The following PCDHGB4 variants were observed in gnomAD, a reference collection of about 807,000 sequenced individuals.
PCDHGB4 encodes protocadherin gamma subfamily B, 4, also known as protocadherin gamma-B4.
Under a neutral mutation model 60.5 loss-of-function variants are expected in PCDHGB4, and 38 were observed. The observed-to-expected ratio is 0.63, with a 90% CI of 0.48 to 0.82. The LOEUF (loss-of-function observed/expected upper bound fraction) is 0.82, where lower values mean the gene tolerates loss of function less well. Ranked by LOEUF, PCDHGB4 falls within the 40% of genes least tolerant of loss-of-function variation. The pLI, the probability that PCDHGB4 is intolerant of heterozygous loss-of-function variation, is 0.00. For missense variants in PCDHGB4, 1,109 were observed against 1,209.6 expected, an observed-to-expected ratio of 0.92 and a Z score of 1.23; for synonymous variants, 456 against 509.7, an observed-to-expected ratio of 0.89 and a Z score of 1.42.
At chr5:141,404,580 G>C (rs769739876) in intron 1 of PCDHGB4, 2 of 1,613,866 alleles carry the variant, frequency 1.2e-6, no homozygotes, top group Non-Finnish European at 1.7e-6. Context: ...CCACCACTTA[G>C]CAGCAATGTG....
chr5:141,418,452 A>C (rs2096259372), intron 1 of PCDHGB4: 5 of 1,614,024 alleles, frequency 3.1e-6, no homozygotes, highest in Non-Finnish European at 4.2e-6. Context: ...GTATTGCAGA[A>C]GACTCTGGAC....
chr5:141,489,222 A>C lies in PCDHGB4; in HGVS notation c.2398-5585A>C. On this transcript the variant is annotated intron_variant, in intron 1 of 3. Coordinates refer to ENST00000519479, the MANE Select transcript of PCDHGB4 (RefSeq NM_003736.4). The surrounding 1 kb of genome is among the most constrained non-coding windows in gnomAD (Gnocchi z 4.5). ...ACAGGACAGCACAGACTTACTCTCC[A>C]CAAAGGGACTTCTGGGTCATGGGGC... 6.6e-7 allele frequency: 1 copy of C among 1,515,652 alleles called. No individual in the cohort carries two copies. Among genetic ancestry groups the C allele is most frequent in the Middle Eastern group, 1.8e-4 (1 of 5,598 alleles). 93.9% of individuals were successfully genotyped at this position (1,515,652 alleles called of 1,614,324 possible).
intron 1 of PCDHGB4, among the ~76,000 whole-genome samples, chr5:141,444,110 A>C (rs1284415694): frequency 6.7e-6 from 1 of 149,880 alleles, no homozygotes; most frequent in Non-Finnish European, 1.5e-5. Flanking sequence ...AACCAAGAAA[A>C]GTGAAGTATC....
rs375882135 is a variant in PCDHGB4 at position 141,389,276 on chromosome 5, G to C, written c.1392G>C (p.Pro464=). The C allele has an allele frequency of 7.9e-5, 128 of 1,613,976 alleles. No individual in the cohort carries two copies. In the Middle Eastern group the frequency reaches 1.8e-3, roughly 23 times the overall value. The change falls in exon 1 of 4, where the codon CCG becomes CCC. Residue 464 remains proline (P), a synonymous_variant. Coordinates refer to ENST00000519479, the MANE Select transcript of PCDHGB4 (RefSeq NM_003736.4). ...TAGTCCACGTGGCCGAGAACAACCC[G>C]CCTGGAGCCTCTATTTCACAAGTCA... ...SYIVHVAENN[P]PGASISQVRA...
chr5:141,391,648 C>T (rs760508987), intron 1 of PCDHGB4: 4 of 152,210 alleles, frequency 2.6e-5, no homozygotes, highest in Non-Finnish European at 5.9e-5. Context: ...AAAAAACTAT[C>T]ATACCAGTCT....
intron 1 of PCDHGB4, chr5:141,478,529 A>G: frequency 6.2e-7 from 1 of 1,609,580 alleles, no homozygotes; most frequent in Non-Finnish European, 8.5e-7. Flanking sequence ...GGGTGCAGAG[A>G]GCGCCCCTCC....
At chr5:141,420,353 G>C (rs1281948860) in intron 1 of PCDHGB4, 1 of 1,382,260 alleles carries the variant, frequency 7.2e-7, no homozygotes, top group African/African-American at 1.5e-5. Context: ...ATTATTTTAA[G>C]ATTCTAGATA....
chr5:141,389,957 G>A lies in PCDHGB4; in HGVS notation c.2073G>A (p.Val691=), dbSNP rs2091985321. The part of the protein sequence containing the change: ...DLQAELQFYL[V]VALALISVLF... The stretch of plus-strand genomic sequence containing the variant: ...AGGCTGAGCTGCAGTTTTACCTAGT[G>A]GTGGCCTTGGCCTTGATCTCAGTGC... The change falls in exon 1 of 4, where the codon GTG becomes GTA. Residue 691 remains valine (V), a synonymous_variant. Transcript: ENST00000519479. 1.2e-6 allele frequency: 2 copies of A among 1,614,080 alleles called. No individual in the cohort carries two copies. Among genetic ancestry groups the A allele is most frequent in the Non-Finnish European group, 1.7e-6 (2 of 1,179,906 alleles).
intron 1 of PCDHGB4, among the ~76,000 whole-genome samples, chr5:141,492,968 C>T: frequency 6.6e-6 from 1 of 152,240 alleles, no homozygotes; most frequent in East Asian, 1.9e-4. Flanking sequence ...GACACTCTAA[C>T]AAGTCCTGTC....
intron 1 of PCDHGB4, among the ~76,000 whole-genome samples, chr5:141,453,049 G>C (rs1287375098): frequency 1.3e-5 from 2 of 152,222 alleles, no homozygotes; most frequent in East Asian, 3.9e-4. Context: ...TCTATTATGT[G>C]CAGTTTTAGA....
At position 141,431,684 on chromosome 5, in the gene PCDHGB4, C is replaced by A. The variant is rs1017231854; in HGVS notation, c.2397+41403C>A. On this transcript the variant is annotated intron_variant, in intron 1 of 3. Transcript: ENST00000519479. This position sits in a 1 kb window ranked among gnomAD's most constrained non-coding sequence, Gnocchi z 4.8. Reference sequence around the variant, plus strand: ...AATATCAACAATAGGGGAGTTGGACCACGAGGAGTCAGGATTCTACCAGAT... The same window carrying A: ...AATATCAACAATAGGGGAGTTGGACAACGAGGAGTCAGGATTCTACCAGAT... The A allele has an allele frequency of 1.9e-6, 3 of 1,614,186 alleles. No homozygotes were observed. Among genetic ancestry groups the A allele is most frequent in the Admixed American group, 1.7e-5 (1 of 60,032 alleles).
chr5:141,479,625 T>C (rs2099501262), intron 1 of PCDHGB4: 1 of 152,228 alleles, frequency 6.6e-6, no homozygotes, highest in Non-Finnish European at 1.5e-5. Flanking sequence ...ACCATGTCTC[T>C]TTAACAATAA....
At chr5:141,419,385 C>T (rs753470433) in intron 1 of PCDHGB4, 6 of 1,613,686 alleles carry the variant, frequency 3.7e-6, no homozygotes, top group Admixed American at 1.7e-5. Context: ...TCCGTGAGCG[C>T]GCAGAGCGGG....
intron 1 of PCDHGB4, chr5:141,423,100 G>C (rs2096709499): frequency 6.2e-7 from 1 of 1,613,944 alleles, no homozygotes; most frequent in Non-Finnish European, 8.5e-7. Context: ...GGAGCACACG[G>C]GCGAGGTGCG....
intron 1 of PCDHGB4, chr5:141,417,260 G>A (rs1362206061): frequency 1.3e-5 from 2 of 152,174 alleles, no homozygotes; most frequent in Non-Finnish European, 2.9e-5. Context: ...CAGCTTCATA[G>A]ATAATTACTC....
At chr5:141,396,656 G>A (rs6580187) in intron 1 of PCDHGB4, 27,943 of 151,880 alleles carry the variant, frequency 0.18, 3,100 homozygotes, top group African/African-American at 0.31. Flanking sequence ...GTAAAAACTC[G>A]GTATAGGCTA....
In PCDHGB4 at chr5:141,423,840, A is replaced by G. The variant is rs189449471; in HGVS notation, c.2397+33559A>G. ...CTTTGCCTTTCATGAGATTACGATA[A>G]TCTTTCAGAACGTTTTTGTGAAAGT... On this transcript the variant is annotated intron_variant, in intron 1 of 3. Coordinates refer to ENST00000519479, the MANE Select transcript of PCDHGB4 (RefSeq NM_003736.4). 1,637 of 1,279,840 alleles carry G rather than the reference A, an allele frequency of 1.3e-3. 3 individuals carry two copies. The highest frequency in any genetic ancestry group is 1.5e-3 in the Non-Finnish European group (1,519 of 1,009,392). 79.3% of individuals were successfully genotyped at this position (1,279,840 alleles called of 1,614,324 possible).
At chr5:141,418,806 C>A in intron 1 of PCDHGB4, 1 of 1,613,696 alleles carries the variant, frequency 6.2e-7, no homozygotes, top group Non-Finnish European at 8.5e-7. Context: ...GAAAGATATA[C>A]GATAAACATA....
chr5:141,427,319 G>T (rs1184530487), intron 1 of PCDHGB4: 4 of 456,958 alleles, frequency 8.8e-6, no homozygotes, highest in African/African-American at 8.0e-5. Flanking sequence ...CCCCAGACGT[G>T]GTTTTTACTT....
Sources: allele counts gnomAD v4.1 joint callset (sites outside exome capture counted in the v4.1 genomes callset), GRCh38; gene constraint gnomAD v4.1.1; non-coding constraint Gnocchi (gnomAD v3.1); transcripts MANE v1.5; gene names NCBI Gene and HGNC (gene_info 2026-07-23, HGNC 2026-07-21).